LIN7A: variants seen among roughly 807,000 people sequenced by gnomAD.
LIN7A encodes protein lin-7 homolog A.
In LIN7A, 25 loss-of-function variants were observed where a neutral mutation model predicts 29.8. The ratio of observed to expected loss-of-function variants is 0.84; its 90% confidence interval spans 0.61 to 1.17. The LOEUF is 1.17. Ranked by LOEUF, LIN7A falls within the 50% of genes most tolerant of loss-of-function variation. The pLI, the probability that LIN7A is intolerant of heterozygous loss-of-function variation, is 0.00. For synonymous variants in LIN7A, 118 were observed against 107.5 expected (o/e 1.10, Z -0.60); for missense variants, 239 against 287.0 (o/e 0.83, Z 1.21).
intron 2 of LIN7A, among the ~76,000 whole-genome samples, chr12:80,852,076 A>C (rs184264504): frequency 1.4e-3 from 211 of 152,326 alleles, no homozygotes; most frequent in Non-Finnish European, 2.4e-3. Flanking sequence ...AAAATAAAAA[A>C]TAATGGTTGT....
chr12:80,811,438 C>G (rs1304528969), intron 5 of LIN7A, 27 bp downstream of exon 5: 1 of 770,304 alleles, frequency 1.3e-6, no homozygotes, highest in Admixed American at 2.2e-5. Flanking sequence ...TATATATACT[C>G]CTTGTATAGA....
intron 2 of LIN7A, 87 bp downstream of exon 2, chr12:80,889,164 C>T: frequency 1.3e-6 from 1 of 782,176 alleles, no homozygotes; most frequent in Non-Finnish European, 2.3e-6. Flanking sequence ...CCAATCTTAA[C>T]AATTTCAACT....
intron 4 of LIN7A, among the ~76,000 whole-genome samples, chr12:80,838,634 T>C (rs1872682812): frequency 1.3e-5 from 2 of 152,218 alleles, no homozygotes; most frequent in African/African-American, 2.4e-5. Flanking sequence ...CAGCTTGCAC[T>C]CCTATTTAAT....
intron 1 of LIN7A, among the ~76,000 whole-genome samples, chr12:80,897,151 C>T (rs1394642742): frequency 6.6e-6 from 1 of 151,844 alleles, no homozygotes; most frequent in East Asian, 1.9e-4. Flanking sequence ...CCTACTACTA[C>T]CCGAGACATC....
intron 1 of LIN7A, among the ~76,000 whole-genome samples, chr12:80,931,064 G>A (rs1877872483): frequency 6.6e-6 from 1 of 152,178 alleles, no homozygotes; most frequent in Non-Finnish European, 1.5e-5. Context: ...TACTGGCATT[G>A]TGCATATAAC....
rs773612794 is a variant in LIN7A, at chr12:80,915,151, G to GC, written c.82+22489dup. 2.7e-3 allele frequency among the ~76,000 whole-genome samples: 265 copies of GC among 99,108 alleles called. 2 individuals are homozygous for GC. The highest frequency in any genetic ancestry group is 4.9e-3 in the Middle Eastern group (1 of 206). 65.0% of individuals were successfully genotyped at this position (99,108 alleles called of 152,430 possible). On this transcript the variant is annotated intron_variant, in intron 1 of 5. Transcript: ENST00000552864. ...ATCTACAAGGAACTTAAATCAACAA[G>GC]CAAAAAAAAAAAAAACAAAAAAACA...
At chr12:80,846,124 G>C (rs949556377) in intron 3 of LIN7A, among the ~76,000 whole-genome samples, 185 bp from the exon 4 acceptor site, 2 of 152,110 alleles carry the variant, frequency 1.3e-5, no homozygotes, top group Non-Finnish European at 2.9e-5. Flanking sequence ...TCTTTCTTTG[G>C]TAAAGTCCCA....
chr12:80,839,117 G>C (rs1288367445), intron 4 of LIN7A, among the ~76,000 whole-genome samples: 1 of 152,160 alleles, frequency 6.6e-6, no homozygotes, highest in Non-Finnish European at 1.5e-5. Flanking sequence ...AAAAACAACT[G>C]ATCTCTCTCC....
In LIN7A at chr12:80,800,722, C is replaced by G. The variant is rs566658863; in HGVS notation, c.*1-2996G>C. Among the ~76,000 whole-genome samples, 7 of 151,982 alleles carry G rather than the reference C, an allele frequency of 4.6e-5. No homozygotes were observed. The South Asian group carries it at 1.5e-3, about 32-fold the overall frequency. ...TTGCTTTCAGCATATCAGATAGAAGCAGAGCGAATATTTCCTAACTCATTC... is the reference window on the plus strand; with the variant it reads ...TTGCTTTCAGCATATCAGATAGAAGGAGAGCGAATATTTCCTAACTCATTC... On this transcript the variant is annotated intron_variant, in intron 5 of 5. Transcript: ENST00000552864.
chr12:80,875,095 A>C (rs1874619009), intron 2 of LIN7A, among the ~76,000 whole-genome samples: 1 of 152,254 alleles, frequency 6.6e-6, no homozygotes, highest in South Asian at 2.1e-4. Flanking sequence ...AAGTAAAACT[A>C]GAACTAGACT....
intron 2 of LIN7A, among the ~76,000 whole-genome samples, chr12:80,859,599 C>T (rs962451603): frequency 3.3e-5 from 5 of 152,082 alleles, no homozygotes; most frequent in Non-Finnish European, 7.4e-5. Flanking sequence ...CAGCCTTAAT[C>T]ATATTGAACC....
At chr12:80,804,814 A>G (rs1329421317) in intron 5 of LIN7A, among the ~76,000 whole-genome samples, 3 of 151,974 alleles carry the variant, frequency 2.0e-5, no homozygotes, top group Non-Finnish European at 4.4e-5. Context: ...TTGGCCTCCC[A>G]AAATATTGGG....
chr12:80,821,498 A>G lies in LIN7A; in HGVS notation c.484-9815T>C, dbSNP rs955973630. Among the ~76,000 whole-genome samples, 12 of 152,156 alleles carry G rather than the reference A, an allele frequency of 7.9e-5. 1 individual carries two copies. In the South Asian group the frequency reaches 1.5e-3, roughly 18 times the overall value. On this transcript the variant is annotated intron_variant, in intron 4 of 5. Transcript: ENST00000552864. ...TGCGGATGGAGGGTTTTGTCTTTATATGGATGGCTGTTGACTGATCACAGT... is the reference window on the plus strand; with the variant it reads ...TGCGGATGGAGGGTTTTGTCTTTATGTGGATGGCTGTTGACTGATCACAGT...
At chr12:80,935,203 C>T (rs1207567841) in intron 1 of LIN7A, among the ~76,000 whole-genome samples, 1 of 152,074 alleles carries the variant, frequency 6.6e-6, no homozygotes, top group East Asian at 1.9e-4. Context: ...TGGTCTCTTC[C>T]CTCACGGAGT....
At chr12:80,812,992 C>A (rs995386115) in intron 4 of LIN7A, among the ~76,000 whole-genome samples, 15 of 152,216 alleles carry the variant, frequency 9.9e-5, no homozygotes, top group African/African-American at 2.6e-4. Context: ...GAAGTATAGA[C>A]CGACATAAAA....
intron 4 of LIN7A, among the ~76,000 whole-genome samples, chr12:80,818,704 A>C (rs1472535969): frequency 6.6e-6 from 1 of 152,208 alleles, no homozygotes; most frequent in African/African-American, 2.4e-5. Context: ...CCATATTAAG[A>C]TCTGTAGCAA....
intron 2 of LIN7A, among the ~76,000 whole-genome samples, chr12:80,884,563 T>C (rs189172855): frequency 5.7e-4 from 87 of 152,270 alleles, no homozygotes; most frequent in African/African-American, 2.1e-3. Context: ...GTGGAACATA[T>C]AGCTTCTTCC....
intron 2 of LIN7A, among the ~76,000 whole-genome samples, chr12:80,851,031 A>G (rs1048937029): frequency 1.3e-5 from 2 of 152,086 alleles, no homozygotes; most frequent in African/African-American, 4.8e-5. Context: ...TGATACAGCA[A>G]CTCATCTCTA....
intron 1 of LIN7A, among the ~76,000 whole-genome samples, chr12:80,916,178 G>A (rs919689949): frequency 1.3e-5 from 2 of 152,076 alleles, no homozygotes; most frequent in African/African-American, 4.8e-5. Context: ...TTACTAATCT[G>A]TCTGTCTACT....
Sources: gnomAD v4.1 joint callset for allele counts (sites outside exome capture counted in the v4.1 genomes callset) on GRCh38, gnomAD v4.1.1 for gene constraint, MANE v1.5 for transcripts, NCBI Gene and HGNC (gene_info 2026-07-23, HGNC 2026-07-21) for gene names.